FAM168A: variants seen among roughly 807,000 people sequenced by gnomAD.
FAM168A encodes the protein family with sequence similarity 168 member A.
Under a neutral mutation model 28.5 loss-of-function variants are expected in FAM168A, and 3 were observed. The ratio of observed to expected loss-of-function variants is 0.11; its 90% CI spans 0.05 to 0.27. The LOEUF is 0.27. Ranked by LOEUF, FAM168A falls within the 10% of genes least tolerant of loss-of-function variation. The pLI is 1.00. For missense variants in FAM168A, 222 were observed against 311.5 expected (o/e 0.71, Z 2.16); for synonymous variants, 122 against 124.2 (o/e 0.98, Z 0.12).
chr11:73,548,246 T>TATAAATAA (rs552443112), intron 1 of FAM168A, among the ~76,000 whole-genome samples: 4 of 152,052 alleles, frequency 2.6e-5, no homozygotes, highest in Admixed American at 2.0e-4. Context: ...CATCACAATT[T>TATAAATAA]ATAAATAAAT....
chr11:73,415,760 A>T (rs1412804030), intron 4 of FAM168A, among the ~76,000 whole-genome samples: 2 of 152,202 alleles, frequency 1.3e-5, no homozygotes, highest in Admixed American at 6.5e-5. Context: ...GTTGCAAAAA[A>T]GTCTCACAGA....
intron 2 of FAM168A, among the ~76,000 whole-genome samples, chr11:73,431,662 C>T (rs766137180): frequency 8.5e-5 from 13 of 152,128 alleles, no homozygotes; most frequent in Non-Finnish European, 1.2e-4. Flanking sequence ...ATGAGTAGTT[C>T]GGAAGAAGTG....
Position 73,461,594 on chromosome 11 carries a change from G to A in FAM168A, c.70+6811C>T, listed in dbSNP as rs184772854. Reference sequence around the variant, plus strand: ...TAGGATGAGCAGGAGATGGGCTGGAGATACCTGAATGGTAAGGTCATAAAA... The same window carrying A: ...TAGGATGAGCAGGAGATGGGCTGGAAATACCTGAATGGTAAGGTCATAAAA... On this transcript the variant is annotated intron_variant, in intron 2 of 7. Coordinates refer to ENST00000356467, the MANE Select transcript of FAM168A (RefSeq NM_015159.3). 4.5e-3 allele frequency among the ~76,000 whole-genome samples: 691 copies of A among 152,330 alleles called. 3 individuals carry two copies. The highest frequency in any genetic ancestry group is 0.016 in the African/African-American group (665 of 41,572).
intron 1 of FAM168A, among the ~76,000 whole-genome samples, chr11:73,592,664 G>A (rs117810604): frequency 6.6e-6 from 1 of 151,884 alleles, no homozygotes; most frequent in Non-Finnish European, 1.5e-5. Flanking sequence ...GGAAGGAGAA[G>A]AACGGGGAGG....
chr11:73,523,220 CT>C (rs1276713059), intron 1 of FAM168A, among the ~76,000 whole-genome samples: 1 of 152,264 alleles, frequency 6.6e-6, no homozygotes, highest in East Asian at 1.9e-4. Context: ...TTCTAAAAAC[CT>C]TTGGTCCCCT....
intron 1 of FAM168A, among the ~76,000 whole-genome samples, chr11:73,561,332 G>A (rs1470301764): frequency 1.3e-5 from 2 of 152,038 alleles, no homozygotes; most frequent in African/African-American, 2.4e-5. Flanking sequence ...CCGAGATCAC[G>A]CACCATTGCA....
intron 1 of FAM168A, among the ~76,000 whole-genome samples, chr11:73,582,465 G>A (rs572399859): frequency 1.3e-5 from 2 of 151,788 alleles, no homozygotes; most frequent in African/African-American, 4.8e-5. Flanking sequence ...GGAGCTTGCA[G>A]TGAGTCGAGA....
At chr11:73,420,086 G>T (rs1380600342) in intron 3 of FAM168A, 87 bp from the exon 4 acceptor site, 17 of 1,526,026 alleles carry the variant, frequency 1.1e-5, no homozygotes, top group Non-Finnish European at 1.5e-5. Context: ...TCTTGTGCTG[G>T]ACAGAAACAT....
At chr11:73,446,929 G>T (rs1169379166) in intron 2 of FAM168A, among the ~76,000 whole-genome samples, 1 of 152,148 alleles carries the variant, frequency 6.6e-6, no homozygotes, top group Non-Finnish European at 1.5e-5. Flanking sequence ...CAAGGATAAA[G>T]TTCCAAACTT....
chr11:73,570,051 GC>G (rs1414514024), intron 1 of FAM168A, among the ~76,000 whole-genome samples: 1 of 151,924 alleles, frequency 6.6e-6, no homozygotes, highest in African/African-American at 2.4e-5. Flanking sequence ...ATAATTAACT[GC>G]TTCACAGAGT....
rs1223005454 is a variant in FAM168A, at chr11:73,406,063, C to A, written c.*700G>T. 1 of 152,482 alleles carries A rather than the reference C, an allele frequency of 6.6e-6. No homozygotes were observed. The highest frequency in any genetic ancestry group is 1.5e-5 in the Non-Finnish European group (1 of 68,060). The allele number at this position is 152,482 out of a possible 1,614,324, so 9.4% of individuals were successfully genotyped here. A position where few individuals can be genotyped will look rare whatever the true frequency, so the allele number is the denominator to read the frequency against. On this transcript the variant is annotated 3_prime_UTR_variant, in exon 8 of 8. Coordinates refer to ENST00000356467, the MANE Select transcript of FAM168A (RefSeq NM_015159.3). ...GACCTTTCAAACCAAAGCCATGAGG[C>A]AAGCACCGCTCCTCCCTTCTTCCCT...
intron 7 of FAM168A, among the ~76,000 whole-genome samples, chr11:73,407,089 G>A (rs1210952904): frequency 6.6e-6 from 1 of 152,240 alleles, no homozygotes; most frequent in Admixed American, 6.5e-5. Flanking sequence ...TTTGAAGAAT[G>A]GGGCCCATAG....
At chr11:73,545,838 G>A (rs1447432500) in intron 1 of FAM168A, among the ~76,000 whole-genome samples, 2 of 151,456 alleles carry the variant, frequency 1.3e-5, no homozygotes, top group African/African-American at 4.9e-5. Context: ...CATAAGCCAC[G>A]GCGCCCAGCC....
chr11:73,444,434 C>T (rs1437368777), intron 2 of FAM168A, among the ~76,000 whole-genome samples: 1 of 152,170 alleles, frequency 6.6e-6, no homozygotes, highest in Non-Finnish European at 1.5e-5. Context: ...CAAGCACAAG[C>T]TGGACAAAAG....
intron 4 of FAM168A, among the ~76,000 whole-genome samples, chr11:73,414,796 T>C (rs1866671159): frequency 6.6e-6 from 1 of 152,262 alleles, no homozygotes; most frequent in Non-Finnish European, 1.5e-5. Context: ...AGACTAAAGC[T>C]AATCTATGAC....
chr11:73,537,226 T>C (rs982880539), intron 1 of FAM168A, among the ~76,000 whole-genome samples: 3 of 152,056 alleles, frequency 2.0e-5, no homozygotes, highest in Non-Finnish European at 4.4e-5. Flanking sequence ...GCAAGAGCAG[T>C]AGGAAGTGAG....
intron 1 of FAM168A, among the ~76,000 whole-genome samples, chr11:73,524,440 A>T (rs1312975989): frequency 6.6e-6 from 1 of 151,954 alleles, no homozygotes; most frequent in Admixed American, 6.5e-5. Context: ...GAAAATCATT[A>T]AAAAAATAAA....
At chr11:73,471,462 T>C (rs1340176585) in intron 1 of FAM168A, among the ~76,000 whole-genome samples, 1 of 152,340 alleles carries the variant, frequency 6.6e-6, no homozygotes, top group East Asian at 1.9e-4. Context: ...AAAAACGTAT[T>C]CAGTTGTACA....
At position 73,584,469 on chromosome 11, in the gene FAM168A, CTTTT is replaced by C. The variant is rs1162075797; in HGVS notation, c.-19+13450_-19+13453del. ...TGAGCCACCATGGCTGGCCCACTGACTTTTTTTTTTTTTTTTTTTTTTGAGACGG... is the reference window on the plus strand; with the variant it reads ...TGAGCCACCATGGCTGGCCCACTGACTTTTTTTTTTTTTTTTTTGAGACGG... On this transcript the variant is annotated intron_variant, in intron 1 of 7. Coordinates refer to ENST00000356467, the MANE Select transcript of FAM168A (RefSeq NM_015159.3). Among the ~76,000 whole-genome samples, 845 of 128,222 alleles carry C rather than the reference CTTTT, an allele frequency of 6.6e-3. 13 individuals are homozygous for C. Among genetic ancestry groups the C allele is most frequent in the African/African-American group, 0.025 (807 of 32,464 alleles). 84.1% of individuals were successfully genotyped at this position (128,222 alleles called of 152,430 possible). A position where few individuals can be genotyped will look rare whatever the true frequency, so the allele number is the denominator to read the frequency against.
Sources: allele counts gnomAD v4.1 joint callset (sites outside exome capture counted in the v4.1 genomes callset), GRCh38; gene constraint gnomAD v4.1.1; transcripts MANE v1.5; gene names NCBI Gene and HGNC (gene_info 2026-07-23, HGNC 2026-07-21).